Variants in ATAD2 observed in about 807,000 individuals in gnomAD.
ATAD2 encodes the protein ATPase family AAA domain-containing protein 2.
A neutral mutation model predicts 168.9 loss-of-function variants in ATAD2; 62 were observed. The observed-to-expected ratio is 0.37, with a 90% confidence interval of 0.30 to 0.45. The LOEUF is 0.45. Among genes scored for constraint, ATAD2 ranks in the 20% least tolerant of loss-of-function variants. The pLI is 1.00. For missense variants in ATAD2, 1,419 were observed against 1,667.8 expected (o/e 0.85, Z 2.60); for synonymous variants, 613 against 571.6 (o/e 1.07, Z -1.03).
intron 1 of ATAD2, among the ~76,000 whole-genome samples, chr8:123,412,577 T>C (rs1813174924): frequency 6.6e-6 from 1 of 151,706 alleles, no homozygotes; most frequent in African/African-American, 2.4e-5. Flanking sequence ...GGACTACAGA[T>C]ACCACCATGC....
At chr8:123,360,783 A>C (rs1191151488) in intron 9 of ATAD2, among the ~76,000 whole-genome samples, 1 of 152,162 alleles carries the variant, frequency 6.6e-6, no homozygotes, top group Non-Finnish European at 1.5e-5. Flanking sequence ...GATCTGTAAA[A>C]TGTAAATAAT....
intron 9 of ATAD2, among the ~76,000 whole-genome samples, 198 bp downstream of exon 9, chr8:123,361,341 A>C (rs1355355161): frequency 1.3e-5 from 2 of 151,856 alleles, no homozygotes; most frequent in African/African-American, 4.8e-5. Flanking sequence ...AAAGTCAAGA[A>C]ATCAGTCATA....
chr8:123,411,049 C>A (rs180861324), intron 1 of ATAD2, among the ~76,000 whole-genome samples: 1 of 152,152 alleles, frequency 6.6e-6, no homozygotes, highest in Non-Finnish European at 1.5e-5. Context: ...ATCCATGAGG[C>A]CAAGAACCCC....
At chr8:123,354,612 C>T (rs1168845682) in intron 13 of ATAD2, among the ~76,000 whole-genome samples, 3 of 151,492 alleles carry the variant, frequency 2.0e-5, no homozygotes, top group South Asian at 2.1e-4. Flanking sequence ...GAGGCTGAGG[C>T]GGGCTGATCA....
At chr8:123,414,915 G>A (rs1010284963) in intron 1 of ATAD2, among the ~76,000 whole-genome samples, 9 of 152,044 alleles carry the variant, frequency 5.9e-5, no homozygotes, top group Non-Finnish European at 1.0e-4. Context: ...TGACTTGTGA[G>A]GTACCATTCC....
At chr8:123,390,340 C>A (rs564740178) in intron 1 of ATAD2, among the ~76,000 whole-genome samples, 1 of 152,082 alleles carries the variant, frequency 6.6e-6, no homozygotes, top group Admixed American at 6.6e-5. Context: ...AACTATAATC[C>A]ATCCGAAACA....
intron 1 of ATAD2, among the ~76,000 whole-genome samples, chr8:123,411,438 G>A (rs1034139786): frequency 3.9e-5 from 6 of 152,134 alleles, no homozygotes; most frequent in East Asian, 1.9e-4. Context: ...ATGAGAGGGC[G>A]GACTGAGAGA....
chr8:123,347,323 T>C lies in ATAD2; in HGVS notation c.1981A>G (p.Thr661Ala). Residue 661 changes from threonine to alanine, a missense_variant, in exon 16 of 28, where the codon ACT becomes GCT. This residue lies in a region of ATAD2 where 545 missense variants were observed against 724.9 expected (regional missense o/e 0.75). Coordinates refer to ENST00000287394, the MANE Select transcript of ATAD2 (RefSeq NM_014109.4). ...LRRRYPQIYT[T>A]SEKLQLDLSS... ...AGATCCAACTGCAGTTTCTCACTAG[T>C]GGTATAGATCTGTGGGTAGCGTCGT... The C allele has an allele frequency of 1.2e-6, 2 of 1,614,026 alleles. No homozygotes were observed. The highest frequency in any genetic ancestry group is 1.7e-6 in the Non-Finnish European group (2 of 1,180,020).
At chr8:123,328,927 G>A (rs1295553912) in intron 24 of ATAD2, among the ~76,000 whole-genome samples, 1 of 151,274 alleles carries the variant, frequency 6.6e-6, no homozygotes, top group South Asian at 2.1e-4. Flanking sequence ...CAGCCTCTCC[G>A]AGCAGCTGGG....
At chr8:123,378,030 AC>A (rs1211906597) in intron 2 of ATAD2, among the ~76,000 whole-genome samples, 1 of 152,222 alleles carries the variant, frequency 6.6e-6, no homozygotes, top group East Asian at 1.9e-4. Context: ...TTAATGGACC[AC>A]TACCTTACCT....
intron 1 of ATAD2, among the ~76,000 whole-genome samples, chr8:123,386,017 T>G (rs576405777): frequency 1.4e-5 from 2 of 140,798 alleles, no homozygotes; most frequent in South Asian, 4.5e-4. Flanking sequence ...GGATGGCTAC[T>G]CACAAAAAAA....
chr8:123,380,884 T>C (rs1829474821), intron 1 of ATAD2: 1 of 539,710 alleles, frequency 1.9e-6, no homozygotes, highest in Non-Finnish European at 3.2e-6. Flanking sequence ...AAGCAGCTAA[T>C]ATAAGATTTA....
chr8:123,345,980 G>A, intron 18 of ATAD2, 106 bp downstream of exon 18: 1 of 929,284 alleles, frequency 1.1e-6, no homozygotes, highest in Non-Finnish European at 1.5e-6. Context: ...TAAACCTAAA[G>A]TTACAAATCA....
intron 1 of ATAD2, among the ~76,000 whole-genome samples, chr8:123,386,652 G>A (rs139366868): frequency 3.3e-5 from 5 of 151,924 alleles, no homozygotes; most frequent in Non-Finnish European, 4.4e-5. Context: ...CGGTTAAAAC[G>A]GTCAATTTTA....
intron 1 of ATAD2, among the ~76,000 whole-genome samples, chr8:123,381,227 G>C (rs916704226): frequency 3.9e-5 from 6 of 152,202 alleles, no homozygotes; most frequent in Non-Finnish European, 7.3e-5. Flanking sequence ...CCCGGGCATG[G>C]TGGCTTATGC....
intron 2 of ATAD2, among the ~76,000 whole-genome samples, chr8:123,375,138 C>G (rs1829267983): frequency 6.6e-6 from 1 of 152,106 alleles, no homozygotes; most frequent in South Asian, 2.1e-4. Context: ...TTATATAAGC[C>G]TTATGCAAAC....
At chr8:123,350,211 C>A (rs1481726078) in intron 13 of ATAD2, among the ~76,000 whole-genome samples, 2 of 152,060 alleles carry the variant, frequency 1.3e-5, no homozygotes, top group South Asian at 2.1e-4. Flanking sequence ...AAAATGATCT[C>A]CAAATTTCCA....
chr8:123,382,466 CT>C (rs1386765494), intron 1 of ATAD2, among the ~76,000 whole-genome samples: 1 of 152,176 alleles, frequency 6.6e-6, no homozygotes, highest in Non-Finnish European at 1.5e-5. Context: ...ATATTTACAT[CT>C]TAGATCAGTG....
At chr8:123,363,642 CATGA>C (rs1355032472) in intron 8 of ATAD2, among the ~76,000 whole-genome samples, 5 of 152,128 alleles carry the variant, frequency 3.3e-5, no homozygotes, top group African/African-American at 9.7e-5. Context: ...TCATTATTAC[CATGA>C]ATATTAGACT....
Sources: allele counts gnomAD v4.1 joint callset (sites outside exome capture counted in the v4.1 genomes callset), GRCh38; gene constraint gnomAD v4.1.1; regional missense constraint gnomAD v4.1.1; transcripts MANE v1.5; gene names NCBI Gene and HGNC (gene_info 2026-07-23, HGNC 2026-07-21).